Variants in SLC46A1 observed in about 807,000 individuals in gnomAD.
SLC46A1 encodes proton-coupled folate transporter.
SLC46A1 carries 17 observed loss-of-function variants against 32.1 expected under a neutral mutation model. That is an observed-to-expected ratio of 0.53 (90% CI 0.36 to 0.79). The LOEUF (loss-of-function observed/expected upper bound fraction) is 0.79. Among genes scored for constraint, SLC46A1 ranks in the 30% least tolerant of loss-of-function variants. The pLI is 0.00. For missense variants in SLC46A1, 517 were observed against 588.2 expected (o/e 0.88, Z 1.25); for synonymous variants, 240 against 262.7 (o/e 0.91, Z 0.84).
At position 28,396,118 on chromosome 17, in the gene SLC46A1, G is replaced by T; in HGVS notation, c.*3538C>A. ...AAACAGCTGACTAGCAGCTCCCTCT[G>T]CCCAGCTGTCTGAACCACATTGGCT... On this transcript the variant is annotated 3_prime_UTR_variant, in exon 5 of 5. Transcript: ENST00000612814. The T allele has an allele frequency of 1.2e-6, 2 of 1,613,846 alleles. No individual in the cohort carries two copies. The highest frequency in any genetic ancestry group is 1.7e-6 in the Non-Finnish European group (2 of 1,179,832).
Position 28,405,052 on chromosome 17 carries a change from G to A in SLC46A1, c.645C>T (p.Ala215=). ...AQGYANPFWL[A]LALLIAMTLY... ...GAGTCATGGCTATCAGCAAGGCCAA[G>A]GCCAGCCAGAAGGGGTTGGCATAAC... The change falls in exon 2 of 5, where the codon GCC becomes GCT. Residue 215 remains alanine (A), a synonymous_variant. Transcript: ENST00000612814. 1.2e-6 allele frequency: 2 copies of A among 1,614,034 alleles called. No homozygotes were observed. Among genetic ancestry groups the A allele is most frequent in the Non-Finnish European group, 1.7e-6 (2 of 1,179,888 alleles).
chr17:28,405,814 G>A lies in SLC46A1; in HGVS notation c.228+73C>T, dbSNP rs2068254302. ...GTTACCCGCCACTACCATTACGCAGGCCCCGCCCCTCCGCTGCCCCCACGC... is the reference window on the plus strand; with the variant it reads ...GTTACCCGCCACTACCATTACGCAGACCCCGCCCCTCCGCTGCCCCCACGC... On this transcript the variant is annotated intron_variant, in intron 1 of 4. Transcript: ENST00000612814. The A allele has an allele frequency of 2.1e-6, 3 of 1,446,032 alleles. No individual in the cohort carries two copies. The African/African-American group carries it at 4.2e-5, about 20-fold the overall frequency. The allele number at this position is 1,446,032 out of a possible 1,614,324, so 89.6% of individuals were successfully genotyped here. A position where few individuals can be genotyped will look rare whatever the true frequency, so the allele number is the denominator to read the frequency against.
chr17:28,403,341 C>T (rs1247088246), intron 2 of SLC46A1: 2 of 152,232 alleles, frequency 1.3e-5, no homozygotes, highest in Non-Finnish European at 2.9e-5. Flanking sequence ...GTTCCTTTTC[C>T]CTTTGCATTC....
chr17:28,396,064 C>T lies in SLC46A1; in HGVS notation c.*3592G>A, dbSNP rs373384753. ...GCCCTGGGACCAGGGGGGTAGGGTA[C>T]AAATCACCATGACAGGCAGAGTGTG... is the stretch of plus-strand genomic sequence containing the variant. On this transcript the variant is annotated 3_prime_UTR_variant, in exon 5 of 5. Coordinates refer to ENST00000612814, the MANE Select transcript of SLC46A1 (RefSeq NM_080669.6). 11 of 1,613,460 alleles carry T rather than the reference C, an allele frequency of 6.8e-6. No individual in the cohort carries two copies. Among genetic ancestry groups the T allele is most frequent in the African/African-American group, 2.7e-5 (2 of 74,914 alleles).
In SLC46A1 at chr17:28,400,819, T is replaced by A; in HGVS notation, c.1166-53A>T. 5 of 1,503,300 alleles carry A rather than the reference T, an allele frequency of 3.3e-6. No homozygotes were observed. The South Asian group carries it at 6.0e-5, about 18-fold the overall frequency. 93.1% of individuals were successfully genotyped at this position (1,503,300 alleles called of 1,614,324 possible). A position where few individuals can be genotyped will look rare whatever the true frequency, so the allele number is the denominator to read the frequency against. On this transcript the variant is annotated intron_variant, in intron 3 of 4. Transcript: ENST00000612814. ...GAGTCCGAAAGGGCCATATTCCAAC[T>A]CTGGCACCACCACCTCACAGCTGTG...
rs782387872 is a variant in SLC46A1, at chr17:28,404,872, G to A, written c.825C>T (p.Phe275=). 3.7e-6 allele frequency: 6 copies of A among 1,613,920 alleles called. No homozygotes were observed. In the Admixed American group the frequency reaches 8.3e-5, roughly 22 times the overall value. The change falls in exon 2 of 5, where the codon TTC becomes TTT. Residue 275 remains phenylalanine, a synonymous_variant. Transcript: ENST00000612814. Reference sequence around the variant, plus strand: ...CCCCAAAGTGCACAGTGATCACCACGAAGATGGCCAGTGAGTAGAGGGCTA... The same window carrying A: ...CCCCAAAGTGCACAGTGATCACCACAAAGATGGCCAGTGAGTAGAGGGCTA... ...KHLALYSLAI[F]VVITVHFGAQ... is the part of the protein sequence containing the mutation.
chr17:28,404,849 C>G lies in SLC46A1; in HGVS notation c.848G>C (p.Gly283Ala). 1 of 1,613,970 alleles carries G rather than the reference C, an allele frequency of 6.2e-7. No homozygotes were observed. Among genetic ancestry groups the G allele is most frequent in the Non-Finnish European group, 8.5e-7 (1 of 1,179,894 alleles). ...ATAAAGGGTTAAGATGTCCTGGGCC[C>G]CAAAGTGCACAGTGATCACCACGAA... is the stretch of plus-strand genomic sequence containing the variant. ...AIFVVITVHF[G>A]AQDILTLYEL... Residue 283 changes from glycine to alanine, a missense_variant, in exon 2 of 5, where the codon GGG (glycine) becomes GCG (alanine). Physicochemically the swap from Gly to Ala is moderately conservative, Grantham distance 60. Transcript: ENST00000612814.
rs1395795877 is a variant in SLC46A1 at position 28,405,060 on chromosome 17, A to C, written c.637T>G (p.Trp213Gly). 1 of 1,613,930 alleles carries C rather than the reference A, an allele frequency of 6.2e-7. No homozygotes were observed. The highest frequency in any genetic ancestry group is 8.5e-7 in the Non-Finnish European group (1 of 1,179,908). ...LRAQGYANPFWLALALLIAMT... is the reference protein window; with the variant it reads ...LRAQGYANPFGLALALLIAMT... ...GCTATCAGCAAGGCCAAGGCCAGCC[A>C]GAAGGGGTTGGCATAACCCTGGGCC... The change falls in exon 2 of 5, where the codon TGG becomes GGG. Residue 213 changes from tryptophan (W) to glycine (G), a missense_variant. Coordinates refer to ENST00000612814, the MANE Select transcript of SLC46A1 (RefSeq NM_080669.6).
Position 28,405,171 on chromosome 17 carries a change from T to G in SLC46A1, c.526A>C (p.Ser176Arg). 2 of 1,609,560 alleles carry G rather than the reference T, an allele frequency of 1.2e-6. No homozygotes were observed. Among genetic ancestry groups the G allele is most frequent in the South Asian group, 2.2e-5 (2 of 90,632 alleles). Residue 176 changes from serine (S) to arginine (R), a missense_variant, in exon 2 of 5, where the codon AGC (serine) becomes CGC (arginine). Transcript: ENST00000612814. ...ASVADVSSSR[S>R]RTFRMALLEA... ...AGCAGGGCCATCCGGAAGGTGCGGC[T>G]GCGACTGGAGCTGACATCTGCCACG...
At chr17:28,404,405 T>G (rs2068230273) in intron 2 of SLC46A1, 1 of 625,606 alleles carries the variant, frequency 1.6e-6, no homozygotes, top group Non-Finnish European at 2.8e-6. Flanking sequence ...GTGGGTTAAT[T>G]ACTTTAGCTA....
chr17:28,395,725 A>G lies in SLC46A1; in HGVS notation c.*3931T>C, dbSNP rs1328686726. On this transcript the variant is annotated 3_prime_UTR_variant, in exon 5 of 5. Transcript: ENST00000612814. ...GCTCTGTGCCAGGAACTCTGGGCAA[A>G]GGAAAAATATTTATTTTTTATTACA... 1.3e-5 allele frequency: 8 copies of G among 627,926 alleles called. No homozygotes were observed. The highest frequency in any genetic ancestry group is 1.6e-5 in the Non-Finnish European group (6 of 366,206). The allele number at this position is 627,926 out of a possible 1,614,324, so 38.9% of individuals were successfully genotyped here. A position where few individuals can be genotyped will look rare whatever the true frequency, so the allele number is the denominator to read the frequency against.
Position 28,400,426 on chromosome 17 carries a change from C to T in SLC46A1, c.1322+184G>A, listed in dbSNP as rs138861714. ...CCTTCCTCCACCTAGCTCGCCATCT[C>T]GCCCTTGGAAAATGGCTCCTGGAGG... On this transcript the variant is annotated intron_variant, in intron 4 of 4. Transcript: ENST00000612814. 5,448 of 696,044 alleles carry T rather than the reference C, an allele frequency of 7.8e-3. 59 individuals are homozygous for T. Among genetic ancestry groups the T allele is most frequent in the South Asian group, 0.014 (717 of 51,622 alleles). 43.1% of individuals were successfully genotyped at this position (696,044 alleles called of 1,614,324 possible). A position where few individuals can be genotyped will look rare whatever the true frequency, so the allele number is the denominator to read the frequency against.
intron 4 of SLC46A1, chr17:28,400,309 T>C: frequency 5.1e-6 from 2 of 392,210 alleles, no homozygotes; most frequent in Non-Finnish European, 9.5e-6. Flanking sequence ...ACAGTTCTGC[T>C]GCCATAGTTC....
chr17:28,405,167 C>G lies in SLC46A1; in HGVS notation c.530G>C (p.Arg177Pro). The G allele has an allele frequency of 6.2e-7, 1 of 1,609,664 alleles. No homozygotes were observed. The highest frequency in any genetic ancestry group is 1.1e-5 in the South Asian group (1 of 90,666). ...SVADVSSSRSRTFRMALLEAS... is the reference protein window; with the variant it reads ...SVADVSSSRSPTFRMALLEAS... ...TTCCAGCAGGGCCATCCGGAAGGTG[C>G]GGCTGCGACTGGAGCTGACATCTGC... The change falls in exon 2 of 5, where the codon CGC (arginine) becomes CCC (proline). Residue 177 changes from arginine to proline, a missense_variant. Transcript: ENST00000612814.
rs1555589331 is a variant in SLC46A1 at position 28,400,633 on chromosome 17, C to A, written c.1299G>T (p.Leu433=). 6.2e-7 allele frequency: 1 copy of A among 1,613,712 alleles called. No homozygotes were observed. Among genetic ancestry groups the A allele is most frequent in the South Asian group, 1.1e-5 (1 of 91,046 alleles). ...GFPFLLGAGL[L]LIPAVLIGML... Reference sequence around the variant, plus strand: ...ACCCAATCAGAACAGCCGGGATGAGCAGGAGGCCAGCTCCCAGGAGGAAGG... The same window carrying A: ...ACCCAATCAGAACAGCCGGGATGAGAAGGAGGCCAGCTCCCAGGAGGAAGG... The change falls in exon 4 of 5, where the codon CTG becomes CTT. Residue 433 remains leucine (L), a synonymous_variant. Transcript: ENST00000612814.
rs560349226 is a variant in SLC46A1, at chr17:28,398,884, A to G, written c.*772T>C. The G allele has an allele frequency of 6.6e-6, 1 of 152,402 alleles. No homozygotes were observed. The highest frequency in any genetic ancestry group is 1.9e-4 in the East Asian group (1 of 5,192). 9.4% of individuals were successfully genotyped at this position (152,402 alleles called of 1,614,324 possible). ...GCTCAAGGTTGCACAGCGAGTCAGTAGAAGCCCTGGCTGGCCCCACTTGGT... is the reference window on the plus strand; with the variant it reads ...GCTCAAGGTTGCACAGCGAGTCAGTGGAAGCCCTGGCTGGCCCCACTTGGT... On this transcript the variant is annotated 3_prime_UTR_variant, in exon 5 of 5. Transcript: ENST00000612814.
rs782633511 is a variant in SLC46A1 at position 28,399,630 on chromosome 17, G to T, written c.*26C>A. The T allele has an allele frequency of 3.1e-6, 5 of 1,613,356 alleles. No homozygotes were observed. The highest frequency in any genetic ancestry group is 4.2e-6 in the Non-Finnish European group (5 of 1,179,348). The stretch of plus-strand genomic sequence containing the variant: ...GCTTGGTGTTCACTTTGCTCCTCTT[G>T]CCCTCTGTCTTCTGGTCCAGGCAGA... On this transcript the variant is annotated 3_prime_UTR_variant, in exon 5 of 5. Coordinates refer to ENST00000612814, the MANE Select transcript of SLC46A1 (RefSeq NM_080669.6).
At position 28,399,470 on chromosome 17, in the gene SLC46A1, G is replaced by A; in HGVS notation, c.*186C>T. ...GTGTGGGTTATGATTCTAGATCCTA[G>A]ACAGAGGCTGGGTCAGCTGTGGATG... On this transcript the variant is annotated 3_prime_UTR_variant, in exon 5 of 5. Transcript: ENST00000612814. The A allele has an allele frequency of 1.6e-6, 1 of 620,788 alleles. No individual in the cohort carries two copies. Among genetic ancestry groups the A allele is most frequent in the East Asian group, 2.8e-5 (1 of 35,990 alleles). 38.5% of individuals were successfully genotyped at this position (620,788 alleles called of 1,614,324 possible).
rs781949017 is a variant in SLC46A1 at position 28,400,625 on chromosome 17, G to A, written c.1307C>T (p.Pro436Leu). Residue 436 changes from proline (P) to leucine (L), a missense_variant, in exon 4 of 5, where the codon CCG becomes CTG. By Grantham distance (98) the Pro-to-Leu change is moderately conservative (BLOSUM62 -3). Coordinates refer to ENST00000612814, the MANE Select transcript of SLC46A1 (RefSeq NM_080669.6). ...FLLGAGLLLI[P>L]AVLIGMLEKA... Reference sequence around the variant, plus strand: ...CCTGCATTACCCAATCAGAACAGCCGGGATGAGCAGGAGGCCAGCTCCCAG... The same window carrying A: ...CCTGCATTACCCAATCAGAACAGCCAGGATGAGCAGGAGGCCAGCTCCCAG... 3.1e-5 allele frequency: 50 copies of A among 1,613,578 alleles called. No individual in the cohort carries two copies. The highest frequency in any genetic ancestry group is 1.3e-4 in the East Asian group (6 of 44,892).
Sources: allele counts gnomAD v4.1 joint callset, GRCh38; gene constraint gnomAD v4.1.1; transcripts MANE v1.5; gene names NCBI Gene and HGNC (gene_info 2026-07-23, HGNC 2026-07-21).